ZNF654: variants seen among roughly 807,000 people sequenced by gnomAD.
ZNF654 encodes melanoma-associated antigen.
A neutral mutation model predicts 95.3 loss-of-function variants in ZNF654; 19 were observed. That is an observed-to-expected ratio of 0.20 (90% CI 0.14 to 0.29). The LOEUF (loss-of-function observed/expected upper bound fraction) is 0.29. ZNF654 is among the 10% of genes least tolerant of loss of function. ZNF654 has a pLI of 1.00. For synonymous variants in ZNF654, 413 were observed against 457.9 expected (o/e 0.90, Z 1.25); for missense variants, 1,046 against 1,341.0 (o/e 0.78, Z 3.44).
chr3:88,126,790 A>C (rs1706131610), intron 4 of ZNF654, among the ~76,000 whole-genome samples: 1 of 152,060 alleles, frequency 6.6e-6, no homozygotes, highest in Non-Finnish European at 1.5e-5. Context: ...TGACCACATG[A>C]TGAATGTGTG....
chr3:88,141,835 C>T lies in ZNF654; in HGVS notation c.*183C>T. On this transcript the variant is annotated 3_prime_UTR_variant, in exon 9 of 9. Coordinates refer to ENST00000636215, the MANE Select transcript of ZNF654 (RefSeq NM_001350134.2). ...CACAGAGATGTGCTGGCTTAGACTC[C>T]AAAAGGATTATAAAACTCCCAAAGT... The T allele has an allele frequency of 2.3e-6, 1 of 439,164 alleles. No individual in the cohort carries two copies. The highest frequency in any genetic ancestry group is 4.0e-6 in the Non-Finnish European group (1 of 247,856). The allele number at this position is 439,164 out of a possible 1,614,324, so 27.2% of individuals were successfully genotyped here.
intron 1 of ZNF654, among the ~76,000 whole-genome samples, chr3:88,065,707 A>C (rs1707157958): frequency 6.6e-6 from 1 of 151,984 alleles, no homozygotes; most frequent in Non-Finnish European, 1.5e-5. Context: ...TTCTTTTCCT[A>C]CCTCACAGAT....
At chr3:88,093,795 A>T (rs1038740808) in intron 2 of ZNF654, among the ~76,000 whole-genome samples, 1 of 152,186 alleles carries the variant, frequency 6.6e-6, no homozygotes, top group African/African-American at 2.4e-5. Context: ...GCTTTCAACT[A>T]ATTTAGGAAA....
chr3:88,139,736 T>C lies in ZNF654; in HGVS notation c.2067T>C (p.Val689=). 6.4e-7 allele frequency: 1 copy of C among 1,556,170 alleles called. No individual in the cohort carries two copies. Among genetic ancestry groups the C allele is most frequent in the Non-Finnish European group, 8.7e-7 (1 of 1,149,144 alleles). ...GTCCTAATAATTCTTTAAATAATGT[T>C]TTCAAGCCTTTAACTGAATGTGGGG... ...NGSPNNSLNN[V]FKPLTECGDD... Residue 689 remains valine (V), a synonymous_variant, in exon 8 of 9, where the codon GTT becomes GTC. Coordinates refer to ENST00000636215, the MANE Select transcript of ZNF654 (RefSeq NM_001350134.2).
rs533108901 is a variant in ZNF654, at chr3:88,086,931, C to T, written c.332+529C>T. Reference sequence around the variant, plus strand: ...CCAAGTAGCTGGGACTACAGGCGCCCGCCACCACGCCTGGCTAATTTTTTG... The same window carrying T: ...CCAAGTAGCTGGGACTACAGGCGCCTGCCACCACGCCTGGCTAATTTTTTG... On this transcript the variant is annotated intron_variant, in intron 2 of 8. Coordinates refer to ENST00000636215, the MANE Select transcript of ZNF654 (RefSeq NM_001350134.2). 1.0e-3 allele frequency among the ~76,000 whole-genome samples: 158 copies of T among 152,110 alleles called. 1 individual carries two copies. The highest frequency in any genetic ancestry group is 2.7e-3 in the African/African-American group (113 of 41,512).
At chr3:88,115,948 A>G (rs1249641951) in intron 3 of ZNF654, among the ~76,000 whole-genome samples, 4 of 152,318 alleles carry the variant, frequency 2.6e-5, no homozygotes, top group East Asian at 3.9e-4. Context: ...AGATTGACAG[A>G]TGGGCCAAAC....
chr3:88,098,561 A>T (rs979255742), intron 2 of ZNF654, among the ~76,000 whole-genome samples: 1 of 152,174 alleles, frequency 6.6e-6, no homozygotes, highest in Non-Finnish European at 1.5e-5. Context: ...CCCTTGATGA[A>T]CATTGATGCA....
intron 3 of ZNF654, among the ~76,000 whole-genome samples, chr3:88,124,943 C>T (rs1180121480): frequency 2.6e-5 from 4 of 152,054 alleles, no homozygotes; most frequent in African/African-American, 4.8e-5. Flanking sequence ...TGGCCAGACA[C>T]GGTGGCTCAC....
Position 88,113,555 on chromosome 3 carries a change from C to T in ZNF654, c.414+359C>T, listed in dbSNP as rs544499426. 5.1e-4 allele frequency among the ~76,000 whole-genome samples: 77 copies of T among 152,224 alleles called. 1 individual carries two copies. Among genetic ancestry groups the T allele is most frequent in the African/African-American group, 1.8e-3 (74 of 41,544 alleles). Reference sequence around the variant, plus strand: ...TCCCTTGGCTGTACCTTGATTTTCTCTCTCATAATAGCTTTCCGAAGCTAG... The same window carrying T: ...TCCCTTGGCTGTACCTTGATTTTCTTTCTCATAATAGCTTTCCGAAGCTAG... On this transcript the variant is annotated intron_variant, in intron 3 of 8. Coordinates refer to ENST00000636215, the MANE Select transcript of ZNF654 (RefSeq NM_001350134.2).
At position 88,129,782 on chromosome 3, in the gene ZNF654, C is replaced by G. The variant is rs1207421061; in HGVS notation, c.849C>G (p.Ser283=). 2 of 1,526,470 alleles carry G rather than the reference C, an allele frequency of 1.3e-6. No individual in the cohort carries two copies. The highest frequency in any genetic ancestry group is 2.7e-5 in the African/African-American group (2 of 72,980). The allele number at this position is 1,526,470 out of a possible 1,614,324, so 94.6% of individuals were successfully genotyped here. Residue 283 remains serine, a synonymous_variant, in exon 6 of 9, where the codon TCC becomes TCG. Transcript: ENST00000636215. The part of the protein sequence containing the change: ...KTMLALQLCE[S]FLIPQLQNGD... ...TGTTAGCCTTGCAACTCTGTGAATC[C>G]TTTCTTATTCCACAGCTCCAGAATG...
chr3:88,082,555 C>G (rs1159063216), intron 1 of ZNF654, among the ~76,000 whole-genome samples: 1 of 152,158 alleles, frequency 6.6e-6, no homozygotes, highest in Non-Finnish European at 1.5e-5. Context: ...CAATGGGAGT[C>G]TTCAAGGAGG....
At chr3:88,061,390 A>C (rs942934795) in intron 1 of ZNF654, among the ~76,000 whole-genome samples, 16 of 152,198 alleles carry the variant, frequency 1.1e-4, no homozygotes, top group Admixed American at 4.6e-4. Flanking sequence ...CTGTATATCC[A>C]AGGAAATAAA....
chr3:88,126,077 A>C (rs1706083106), intron 3 of ZNF654, 57 bp from the exon 4 acceptor site: 6 of 1,376,610 alleles, frequency 4.4e-6, no homozygotes, highest in Non-Finnish European at 5.7e-6. Context: ...AATGATGATC[A>C]AGTTTAGTTT....
rs1707191882 is a variant in ZNF654, at chr3:88,142,722, G to GT, written c.*1077dup. 3 of 152,114 alleles carry GT rather than the reference G, an allele frequency of 2.0e-5. No homozygotes were observed. Among genetic ancestry groups the GT allele is most frequent in the South Asian group, 2.1e-4 (1 of 4,814 alleles). 9.4% of individuals were successfully genotyped at this position (152,114 alleles called of 1,614,324 possible). A position where few individuals can be genotyped will look rare whatever the true frequency, so the allele number is the denominator to read the frequency against. On this transcript the variant is annotated 3_prime_UTR_variant, in exon 9 of 9. Transcript: ENST00000636215. ...TTCCAAAATAAGCCATACTATTCCT[G>GT]TTTTTTTAATTCATTAGTGATGACT... is the stretch of plus-strand genomic sequence containing the variant.
intron 5 of ZNF654, 45 bp downstream of exon 5, chr3:88,129,056 C>CAA: frequency 2.3e-6 from 3 of 1,285,900 alleles, no homozygotes; most frequent in Non-Finnish European, 3.1e-6. Flanking sequence ...TTAACCCTAC[C>CAA]AAAAAAAAAC....
rs925238548 is a variant in ZNF654, at chr3:88,143,838, A to G, written c.*2186A>G. On this transcript the variant is annotated 3_prime_UTR_variant, in exon 9 of 9. Coordinates refer to ENST00000636215, the MANE Select transcript of ZNF654 (RefSeq NM_001350134.2). ...ACACTGTCTTAACCTCGGTTTATAT[A>G]CTTCTCAAATAGCTATTGAAAGAAT... 6.6e-6 allele frequency: 1 copy of G among 151,940 alleles called. No individual in the cohort carries two copies. The highest frequency in any genetic ancestry group is 1.5e-5 in the Non-Finnish European group (1 of 67,810). 9.4% of individuals were successfully genotyped at this position (151,940 alleles called of 1,614,324 possible). A position where few individuals can be genotyped will look rare whatever the true frequency, so the allele number is the denominator to read the frequency against.
At position 88,128,815 on chromosome 3, in the gene ZNF654, A is replaced by T; in HGVS notation, c.557A>T (p.Lys186Ile). ...TGTTTTCTTTTTAATATAGTGAACA[A>T]ATATTTAAGTTCTGAAAATCCACTG... ...AQPASQEIVN[K>I]YLSSENPLFF... Residue 186 changes from lysine (K) to isoleucine (I), a missense_variant, in exon 5 of 9, where the codon AAA becomes ATA. Transcript: ENST00000636215. 6.5e-7 allele frequency: 1 copy of T among 1,533,174 alleles called. No individual in the cohort carries two copies. 95.0% of individuals were successfully genotyped at this position (1,533,174 alleles called of 1,614,324 possible).
chr3:88,108,584 C>T (rs1342353874), intron 2 of ZNF654, among the ~76,000 whole-genome samples: 2 of 152,156 alleles, frequency 1.3e-5, no homozygotes, highest in Non-Finnish European at 2.9e-5. Flanking sequence ...ACCATCCCAA[C>T]TAGGATGTGC....
chr3:88,089,788 T>A (rs952533670), intron 2 of ZNF654, among the ~76,000 whole-genome samples: 1 of 152,198 alleles, frequency 6.6e-6, no homozygotes, highest in Non-Finnish European at 1.5e-5. Flanking sequence ...TTCCTACTGC[T>A]TAGATTAATC....
Sources: gnomAD v4.1 joint callset for allele counts (sites outside exome capture counted in the v4.1 genomes callset) on GRCh38, gnomAD v4.1.1 for gene constraint, MANE v1.5 for transcripts, NCBI Gene and HGNC (gene_info 2026-07-23, HGNC 2026-07-21) for gene names.